The following ZBTB38 variants were observed in gnomAD, a reference collection of about 807,000 sequenced individuals.
The protein encoded by ZBTB38 is zinc finger and BTB domain containing 38.
In ZBTB38, 20 loss-of-function variants were observed where a neutral mutation model predicts 76.8. The observed-to-expected ratio is 0.26, with a 90% confidence interval of 0.18 to 0.38. ZBTB38 has a LOEUF of 0.38. ZBTB38 is among the 10% of genes least tolerant of loss of function. The probability of loss-of-function intolerance (pLI) is 1.00; values close to 1 mark genes in which losing one functional copy is unlikely to be tolerated. For synonymous variants in ZBTB38, 504 were observed against 544.2 expected (o/e 0.93, Z 1.03); for missense variants, 1,082 against 1,482.3 (o/e 0.73, Z 4.43).
intron 4 of ZBTB38, among the ~76,000 whole-genome samples, chr3:141,390,731 A>T (rs1041062507): frequency 2.6e-5 from 4 of 152,232 alleles, no homozygotes; most frequent in African/African-American, 9.6e-5. Context: ...AACAGTCAAC[A>T]CATTTATTGA....
rs1174117309 is a variant in ZBTB38 at position 141,448,308 on chromosome 3, T to A, written c.*2332T>A. The A allele has an allele frequency of 6.6e-6, 1 of 152,650 alleles. No homozygotes were observed. The highest frequency in any genetic ancestry group is 1.5e-5 in the Non-Finnish European group (1 of 68,028). 9.5% of individuals were successfully genotyped at this position (152,650 alleles called of 1,614,324 possible). A position where few individuals can be genotyped will look rare whatever the true frequency, so the allele number is the denominator to read the frequency against. On this transcript the variant is annotated 3_prime_UTR_variant, in exon 6 of 6. Coordinates refer to ENST00000321464, the MANE Select transcript of ZBTB38 (RefSeq NM_001376113.1). ...TTTGCAAATATTTTCTATAATTGTATTCATTTAAAATGTTGATAGCTTGTG... is the reference window on the plus strand; with the variant it reads ...TTTGCAAATATTTTCTATAATTGTAATCATTTAAAATGTTGATAGCTTGTG...
intron 2 of ZBTB38, among the ~76,000 whole-genome samples, chr3:141,375,384 C>T (rs890284965): frequency 3.9e-5 from 6 of 152,222 alleles, no homozygotes; most frequent in Non-Finnish European, 5.9e-5. Flanking sequence ...AGAAGATTCA[C>T]TCCTGAGGCA....
chr3:141,363,441 G>A (rs7638882), intron 1 of ZBTB38, among the ~76,000 whole-genome samples: 16,980 of 152,138 alleles, frequency 0.11, 3,127 homozygotes, highest in African/African-American at 0.39. Context: ...ATAGCCAAAC[G>A]ATTTTGAAAG....
chr3:141,390,028 G>A (rs1387655136), intron 4 of ZBTB38: 1 of 152,140 alleles, frequency 6.6e-6, no homozygotes, highest in East Asian at 1.9e-4. Context: ...AAATAAGATT[G>A]TTGGGAAGTG....
intron 3 of ZBTB38, among the ~76,000 whole-genome samples, chr3:141,382,332 A>G (rs1376367811): frequency 6.6e-6 from 1 of 152,260 alleles, no homozygotes; most frequent in Non-Finnish European, 1.5e-5. Context: ...TAACAAATTT[A>G]TTCACAAATG....
At chr3:141,427,168 C>T (rs1355458446) in intron 5 of ZBTB38, among the ~76,000 whole-genome samples, 1 of 152,142 alleles carries the variant, frequency 6.6e-6, no homozygotes, top group Non-Finnish European at 1.5e-5. Context: ...TTCATTCATT[C>T]AGTAAAGGTT....
At position 141,413,124 on chromosome 3, in the gene ZBTB38, G is replaced by A. The variant is rs192026642; in HGVS notation, c.-1+9093G>A. 6.6e-6 allele frequency among the ~76,000 whole-genome samples: 1 copy of A among 152,312 alleles called. No homozygotes were observed. The highest frequency in any genetic ancestry group is 2.4e-5 in the African/African-American group (1 of 41,564). ...GGGGAAGAAGAAAATGTTTGTGCAG[G>A]GAAAGTGTGTACGTGGACTTAAATA... is the stretch of plus-strand genomic sequence containing the variant. On this transcript the variant is annotated intron_variant, in intron 5 of 5. Coordinates refer to ENST00000321464, the MANE Select transcript of ZBTB38 (RefSeq NM_001376113.1). The surrounding 1 kb of genome is among the most constrained non-coding windows in gnomAD (Gnocchi z 4.1).
intron 3 of ZBTB38, chr3:141,383,784 A>C (rs1946540184): frequency 6.6e-6 from 1 of 152,188 alleles, no homozygotes; most frequent in South Asian, 2.1e-4. Flanking sequence ...TGCCTGCCAG[A>C]TTATTTCGGG....
At chr3:141,394,962 A>C (rs1950004464) in intron 4 of ZBTB38, among the ~76,000 whole-genome samples, 1 of 152,180 alleles carries the variant, frequency 6.6e-6, no homozygotes, top group Non-Finnish European at 1.5e-5. Context: ...TGCTCTTTTG[A>C]CTAAAGCTGC....
intron 4 of ZBTB38, among the ~76,000 whole-genome samples, chr3:141,399,238 C>T (rs1404729943): frequency 6.6e-6 from 1 of 151,874 alleles, no homozygotes; most frequent in Non-Finnish European, 1.5e-5. Context: ...AACAATTGGT[C>T]GGGGTTGGGT....
chr3:141,416,000 G>T (rs2073950655), intron 5 of ZBTB38, among the ~76,000 whole-genome samples: 1 of 152,128 alleles, frequency 6.6e-6, no homozygotes, highest in Non-Finnish European at 1.5e-5. Flanking sequence ...AAAAACGAGG[G>T]GTGGTCTGCT....
intron 2 of ZBTB38, among the ~76,000 whole-genome samples, chr3:141,379,069 G>A (rs141062871): frequency 1.6e-4 from 24 of 152,280 alleles, no homozygotes; most frequent in South Asian, 6.2e-4. Context: ...TTTTAACAGC[G>A]CTGCTGTCTC....
chr3:141,433,175 C>T (rs9876694), intron 5 of ZBTB38, among the ~76,000 whole-genome samples: 21,126 of 151,984 alleles, frequency 0.14, 2,534 homozygotes, highest in African/African-American at 0.32. Context: ...AGGATTTCTG[C>T]TTTGTGTTTC....
intron 5 of ZBTB38, among the ~76,000 whole-genome samples, chr3:141,409,109 T>A (rs781325421): frequency 1.1e-4 from 17 of 152,124 alleles, no homozygotes; most frequent in Middle Eastern, 3.2e-3. Flanking sequence ...GCAGTGGCGC[T>A]ATCTCAGCTC....
At chr3:141,376,114 C>A (rs573240293) in intron 2 of ZBTB38, among the ~76,000 whole-genome samples, 65 of 152,332 alleles carry the variant, frequency 4.3e-4, no homozygotes, top group African/African-American at 1.5e-3. Context: ...CTGACAGTGT[C>A]TGACTGCCCG....
intron 1 of ZBTB38, among the ~76,000 whole-genome samples, chr3:141,343,695 G>C (rs776591654): frequency 6.6e-6 from 1 of 152,150 alleles, no homozygotes; most frequent in Non-Finnish European, 1.5e-5. Context: ...CCAATATCTT[G>C]AGCAATCTTA....
rs1309636643 is a variant in ZBTB38, at chr3:141,443,811, C to T, written c.1423C>T (p.Leu475Phe). The change falls in exon 6 of 6, where the codon CTC becomes TTC. Residue 475 changes from leucine (L) to phenylalanine (F), a missense_variant. Around this residue, in one of 8 missense-constraint regions of ZBTB38, gnomAD observed 60 missense variants for 126.0 expected, o/e 0.48. Transcript: ENST00000321464. The surrounding 1 kb of genome is among the most constrained non-coding windows in gnomAD (Gnocchi z 5.6). Reference protein sequence around the residue: ...CKRSYVTLSSLRRHANVHSWR... With the variant: ...CKRSYVTLSSFRRHANVHSWR... Reference sequence around the variant, plus strand: ...ACGTAGTTATGTGACCTTATCTAGCCTCCGAAGACATGCAAATGTTCACTC... The same window carrying T: ...ACGTAGTTATGTGACCTTATCTAGCTTCCGAAGACATGCAAATGTTCACTC... The T allele has an allele frequency of 6.2e-7, 1 of 1,613,918 alleles. No homozygotes were observed. The highest frequency in any genetic ancestry group is 1.7e-5 in the Admixed American group (1 of 60,022).
intron 5 of ZBTB38, among the ~76,000 whole-genome samples, chr3:141,424,350 C>A (rs1165651247): frequency 6.6e-6 from 1 of 151,992 alleles, no homozygotes; most frequent in African/African-American, 2.4e-5. Flanking sequence ...AAGACCCTGA[C>A]TCTACAAAGA....
At chr3:141,415,460 A>T (rs770771287) in intron 5 of ZBTB38, among the ~76,000 whole-genome samples, 7 of 152,172 alleles carry the variant, frequency 4.6e-5, no homozygotes, top group Non-Finnish European at 1.0e-4. Flanking sequence ...TCAGACTGGC[A>T]GCATGGACAT....
Sources: gnomAD v4.1 joint callset for allele counts (sites outside exome capture counted in the v4.1 genomes callset) on GRCh38, gnomAD v4.1.1 for gene constraint, gnomAD v4.1.1 regional missense constraint, Gnocchi (gnomAD v3.1) non-coding constraint, MANE v1.5 for transcripts, NCBI Gene and HGNC (gene_info 2026-07-23, HGNC 2026-07-21) for gene names.